The following BMP1 variants were observed in gnomAD, a reference collection of about 807,000 sequenced individuals.
BMP1 encodes bone morphogenetic protein 1.
A neutral mutation model predicts 116.8 loss-of-function variants in BMP1; 63 were observed. The observed-to-expected ratio is 0.54, with a 90% CI of 0.44 to 0.67. BMP1 has a LOEUF of 0.67. Ranked by LOEUF, BMP1 falls within the 30% of genes least tolerant of loss-of-function variation. BMP1 has a pLI of 0.00. For missense variants in BMP1, 1,183 were observed against 1,358.9 expected (o/e 0.87, Z 2.04); for synonymous variants, 536 against 533.4 (o/e 1.00, Z -0.07).
rs750327672 is a variant in BMP1 at position 22,201,762 on chromosome 8, C to T, written c.2108-41C>T. On this transcript the variant is annotated intron_variant, in intron 15 of 19. Transcript: ENST00000306385. Reference sequence around the variant, plus strand: ...CCCCTGGGGCATCCCAACCTCAGCCCTGCACAGACCCAGCGTCTGCCCTTA... The same window carrying T: ...CCCCTGGGGCATCCCAACCTCAGCCTTGCACAGACCCAGCGTCTGCCCTTA... 7 of 1,609,058 alleles carry T rather than the reference C, an allele frequency of 4.4e-6. No homozygotes were observed. The South Asian group carries it at 6.6e-5, about 15-fold the overall frequency.
chr8:22,195,048 A>G (rs1829042681), intron 12 of BMP1, 129 bp downstream of exon 12: 6 of 1,042,006 alleles, frequency 5.8e-6, no homozygotes, highest in Admixed American at 5.8e-5. Flanking sequence ...CTGTGCCCTT[A>G]AGGAGCTCTG....
At chr8:22,211,227 C>T (rs1191575963) in intron 19 of BMP1, among the ~76,000 whole-genome samples, 1 of 152,232 alleles carries the variant, frequency 6.6e-6, no homozygotes. Flanking sequence ...AATACTTTGA[C>T]ATCGGTGCAG....
At chr8:22,207,037 C>T (rs547707570) in intron 17 of BMP1, 56 bp downstream of exon 17, 2 of 1,598,484 alleles carry the variant, frequency 1.3e-6, no homozygotes, top group African/African-American at 1.3e-5. Context: ...GTCAGAGGCA[C>T]TGCCCAGAGC....
At chr8:22,177,528 T>G (rs764537836) in intron 5 of BMP1, 1 of 720,438 alleles carries the variant, frequency 1.4e-6, no homozygotes, top group African/African-American at 1.7e-5. Context: ...TTTCTCGATG[T>G]CTCTGTCCCT....
chr8:22,177,405 A>G (rs763038316), intron 5 of BMP1, among the ~76,000 whole-genome samples: 5 of 152,148 alleles, frequency 3.3e-5, no homozygotes, highest in African/African-American at 4.8e-5. Flanking sequence ...GGCAGCCTCT[A>G]GGGTGGGGCA....
intron 8 of BMP1, among the ~76,000 whole-genome samples, chr8:22,186,733 G>A (rs896615633): frequency 3.4e-4 from 52 of 152,174 alleles, no homozygotes; most frequent in African/African-American, 1.2e-3. Context: ...CTAAGTGCTG[G>A]GATTACAGGC....
In BMP1 at chr8:22,194,448, T is replaced by G. The variant is rs1277237905; in HGVS notation, c.1301T>G (p.Ile434Ser). ...ACCCCATCCTGTGTCCCCACAGCCATCTGCGGGGGTGATGTGAAAAAGGAC... is the reference window on the plus strand; with the variant it reads ...ACCCCATCCTGTGTCCCCACAGCCAGCTGCGGGGGTGATGTGAAAAAGGAC... ...GKGFFAVYEAICGGDVKKDYG... is the reference protein window; with the variant it reads ...GKGFFAVYEASCGGDVKKDYG... Residue 434 changes from isoleucine to serine, a missense_variant, in exon 11 of 20, where the codon ATC becomes AGC. Ile to Ser is a moderately radical substitution (Grantham distance 142, BLOSUM62 -2). This residue lies in a region of BMP1 where 956 missense variants were observed against 1,135.2 expected (regional missense o/e 0.84). Coordinates refer to ENST00000306385, the MANE Select transcript of BMP1 (RefSeq NM_006129.5). This position sits in a 1 kb window ranked among gnomAD's most constrained non-coding sequence, Gnocchi z 4.5. The G allele has an allele frequency of 6.2e-7, 1 of 1,614,062 alleles. No homozygotes were observed. Among genetic ancestry groups the G allele is most frequent in the Admixed American group, 1.7e-5 (1 of 60,022 alleles).
intron 1 of BMP1, chr8:22,169,463 G>A (rs1056078447): frequency 8.5e-5 from 13 of 152,274 alleles, no homozygotes; most frequent in Admixed American, 2.0e-4. Flanking sequence ...GATCCTGCAC[G>A]GGGAAGTGGT....
chr8:22,199,852 A>T (rs2131893230), intron 15 of BMP1, among the ~76,000 whole-genome samples: 1 of 152,270 alleles, frequency 6.6e-6, no homozygotes, highest in East Asian at 1.9e-4. Flanking sequence ...AAACCTTGGG[A>T]AGGACTTGGG....
At position 22,211,743 on chromosome 8, in the gene BMP1, G is replaced by A. The variant is rs756484650; in HGVS notation, c.*15G>A. On this transcript the variant is annotated 3_prime_UTR_variant, in exon 20 of 20. Transcript: ENST00000306385. ...GCAGGAAGTGACCACTGCCTGAGCA[G>A]GGGCGGGGACTGGAGCCTGCTGCCC... The A allele has an allele frequency of 6.2e-7, 1 of 1,614,104 alleles. No individual in the cohort carries two copies. Among genetic ancestry groups the A allele is most frequent in the South Asian group, 1.1e-5 (1 of 91,088 alleles).
At chr8:22,176,939 C>G (rs774925475) in intron 4 of BMP1, 22 bp from the exon 5 acceptor site, 1 of 1,594,078 alleles carries the variant, frequency 6.3e-7, no homozygotes, top group Non-Finnish European at 8.5e-7. Context: ...GACCGCCCCC[C>G]TGAGCTGGCC....
chr8:22,209,326 G>A (rs1829419408), intron 18 of BMP1, 119 bp from the exon 19 acceptor site: 3 of 1,490,734 alleles, frequency 2.0e-6, no homozygotes, highest in Admixed American at 2.3e-5. Context: ...ACCCATCACT[G>A]GCCTCGTGGC....
intron 15 of BMP1, among the ~76,000 whole-genome samples, chr8:22,197,661 A>G (rs970706549): frequency 1.3e-5 from 2 of 152,192 alleles, no homozygotes; most frequent in Middle Eastern, 6.3e-3. Context: ...GAACATAAGC[A>G]TTCAGAAATC....
intron 13 of BMP1, chr8:22,196,375 C>A: frequency 2.0e-5 from 12 of 589,092 alleles, no homozygotes; most frequent in South Asian, 2.0e-4. Context: ...AACTGCTTTC[C>A]CTGAGCCCCT....
chr8:22,205,062 C>T (rs1360347023), intron 16 of BMP1, among the ~76,000 whole-genome samples: 1 of 152,164 alleles, frequency 6.6e-6, no homozygotes, highest in Non-Finnish European at 1.5e-5. Flanking sequence ...GACACTTGCT[C>T]TGAGGCTTCA....
intron 1 of BMP1, among the ~76,000 whole-genome samples, chr8:22,168,386 AC>A (rs369070400): frequency 3.2e-4 from 49 of 151,430 alleles, no homozygotes; most frequent in African/African-American, 1.1e-3. Context: ...ACTAGCCAAC[AC>A]CCCCCCGGAG....
intron 8 of BMP1, among the ~76,000 whole-genome samples, chr8:22,185,383 G>A (rs922816453): frequency 3.9e-5 from 6 of 151,930 alleles, no homozygotes; most frequent in African/African-American, 1.4e-4. Context: ...TCAAACCCGG[G>A]AGGTGGAGGT....
chr8:22,194,661 G>A lies in BMP1; in HGVS notation c.1444-63G>A. The A allele has an allele frequency of 6.3e-7, 1 of 1,596,822 alleles. No homozygotes were observed. The highest frequency in any genetic ancestry group is 8.5e-7 in the Non-Finnish European group (1 of 1,169,688). ...TCCCTGGGACAGCTGCCTCTCTTTGGGCTCCCAGGGGTGGGTCTCTGGCAG... is the reference window on the plus strand; with the variant it reads ...TCCCTGGGACAGCTGCCTCTCTTTGAGCTCCCAGGGGTGGGTCTCTGGCAG... On this transcript the variant is annotated intron_variant, in intron 11 of 19. Transcript: ENST00000306385. This position sits in a 1 kb window ranked among gnomAD's most constrained non-coding sequence, Gnocchi z 4.5.
intron 1 of BMP1, chr8:22,171,674 C>T (rs1828281195): frequency 6.6e-6 from 1 of 152,034 alleles, no homozygotes; most frequent in Non-Finnish European, 1.5e-5. Context: ...AATGGGGAGG[C>T]CTGAGTTATA....
Sources: gnomAD v4.1 joint callset for allele counts (sites outside exome capture counted in the v4.1 genomes callset) on GRCh38, gnomAD v4.1.1 for gene constraint, gnomAD v4.1.1 regional missense constraint, Gnocchi (gnomAD v3.1) non-coding constraint, MANE v1.5 for transcripts, NCBI Gene and HGNC (gene_info 2026-07-23, HGNC 2026-07-21) for gene names.